The following SNED1 variants were observed in gnomAD, a reference collection of about 807,000 sequenced individuals.
SNED1 encodes the protein sushi, nidogen and EGF like domains 1, also known as sushi, nidogen and EGF-like domain-containing protein 1.
Under a neutral mutation model 166.7 loss-of-function variants are expected in SNED1, and 81 were observed. That is an observed-to-expected ratio of 0.49 (90% confidence interval 0.41 to 0.58). The LOEUF is 0.58. Among genes scored for constraint, SNED1 ranks in the 20% least tolerant of loss-of-function variants. The pLI is 0.00. For synonymous variants in SNED1, 762 were observed against 822.0 expected, an observed-to-expected ratio of 0.93 and a Z score of 1.25; for missense variants, 1,604 against 2,000.2, an observed-to-expected ratio of 0.80 and a Z score of 3.78.
intron 11 of SNED1, 62 bp downstream of exon 11, chr2:241,049,197 G>C: frequency 1.5e-6 from 2 of 1,308,254 alleles, no homozygotes; most frequent in Non-Finnish European, 2.2e-6. Flanking sequence ...GGGAGAAAGC[G>C]GTGGATGAGG....
chr2:241,035,315 G>A (rs2061313714), intron 4 of SNED1, among the ~76,000 whole-genome samples: 1 of 152,162 alleles, frequency 6.6e-6, no homozygotes, highest in Non-Finnish European at 1.5e-5. Context: ...AGTTCCAGGG[G>A]TCCTTCCAGC....
At chr2:240,998,586 G>A (rs921196622), upstream of SNED1, among the ~76,000 whole-genome samples, 3 of 152,124 alleles carry the variant, frequency 2.0e-5, no homozygotes, top group Non-Finnish European at 2.9e-5. Flanking sequence ...CGCCGGGCTG[G>A]ATATTTAAAT....
In SNED1 at chr2:241,073,102, G is replaced by A. The variant is rs1039573891; in HGVS notation, c.3818-164G>A. 8 of 594,462 alleles carry A rather than the reference G, an allele frequency of 1.3e-5. No individual in the cohort carries two copies. The highest frequency in any genetic ancestry group is 1.1e-4 in the East Asian group (4 of 35,836). 36.8% of individuals were successfully genotyped at this position (594,462 alleles called of 1,614,324 possible). On this transcript the variant is annotated intron_variant, in intron 26 of 31. Coordinates refer to ENST00000310397, the MANE Select transcript of SNED1 (RefSeq NM_001080437.3). This position sits in a 1 kb window ranked among gnomAD's most constrained non-coding sequence, Gnocchi z 6.6. The stretch of plus-strand genomic sequence containing the variant: ...GGAGGGTGAGGCCAGCCCTTCAGGG[G>A]AGGCAGCTCTGGGGCCGACAGGTGC...
chr2:241,000,418 A>G (rs565316485), intron 1 of SNED1, among the ~76,000 whole-genome samples: 1 of 152,320 alleles, frequency 6.6e-6, no homozygotes, highest in African/African-American at 2.4e-5. Flanking sequence ...ACTTGGACAG[A>G]GGAACGGGAC....
rs2064206927 is a variant in SNED1 at position 241,093,827 on chromosome 2, A to C, written c.*2191A>C. Reference sequence around the variant, plus strand: ...TTTAAAAACTCAAATGGCTTCCTTGAAAATACTCAAAGTCCACCCAAGGAA... The same window carrying C: ...TTTAAAAACTCAAATGGCTTCCTTGCAAATACTCAAAGTCCACCCAAGGAA... On this transcript the variant is annotated 3_prime_UTR_variant, in exon 32 of 32. Coordinates refer to ENST00000310397, the MANE Select transcript of SNED1 (RefSeq NM_001080437.3). 1 of 152,436 alleles carries C rather than the reference A, an allele frequency of 6.6e-6. No individual in the cohort carries two copies. Among genetic ancestry groups the C allele is most frequent in the Admixed American group, 6.5e-5 (1 of 15,316 alleles). 9.4% of individuals were successfully genotyped at this position (152,436 alleles called of 1,614,324 possible).
intron 27 of SNED1, among the ~76,000 whole-genome samples, chr2:241,078,400 A>G (rs2063150617): frequency 6.8e-6 from 1 of 146,600 alleles, no homozygotes; most frequent in Non-Finnish European, 1.5e-5. Flanking sequence ...AAAAAAAAAG[A>G]AAGAAAGAAA....
At chr2:241,008,870 G>A (rs1166217019) in intron 1 of SNED1, among the ~76,000 whole-genome samples, 1 of 152,256 alleles carries the variant, frequency 6.6e-6, no homozygotes, top group Non-Finnish European at 1.5e-5. Context: ...GGCAGCCCAG[G>A]ATCACACTGT....
intron 21 of SNED1, among the ~76,000 whole-genome samples, chr2:241,066,033 C>T (rs570259884): frequency 2.6e-5 from 4 of 152,184 alleles, no homozygotes; most frequent in Admixed American, 6.5e-5. Context: ...GATATGTAGG[C>T]GCTGAGGTGT....
chr2:241,037,933 A>G (rs1474083102), intron 6 of SNED1, among the ~76,000 whole-genome samples: 2 of 152,108 alleles, frequency 1.3e-5, no homozygotes, highest in African/African-American at 2.4e-5. Context: ...ACCAAACCTC[A>G]GCTTGCCCTC....
chr2:241,065,516 C>T lies in SNED1; in HGVS notation c.2931C>T (p.Asn977=). The change falls in exon 21 of 32, where the codon AAC becomes AAT. Residue 977 remains asparagine, a synonymous_variant. Transcript: ENST00000310397. ...CCCTGGCGGCCGGCAGGGCCTACAA[C>T]ATCTCCGTCTTCTCAGTGAAGCGAA... ...LQALAAGRAY[N]ISVFSVKRNS... 1 of 1,612,986 alleles carries T rather than the reference C, an allele frequency of 6.2e-7. No homozygotes were observed. The highest frequency in any genetic ancestry group is 8.5e-7 in the Non-Finnish European group (1 of 1,179,854).
intron 1 of SNED1, among the ~76,000 whole-genome samples, chr2:241,023,480 G>A (rs2060827862): frequency 8.3e-6 from 1 of 120,804 alleles, no homozygotes. Flanking sequence ...GGCCCAATAT[G>A]TGGTAAAAAA....
At chr2:241,039,621 A>G (rs1325355932) in intron 6 of SNED1, among the ~76,000 whole-genome samples, 1 of 152,026 alleles carries the variant, frequency 6.6e-6, no homozygotes, top group Non-Finnish European at 1.5e-5. Context: ...GTTCCTGCAC[A>G]GGCCACTGCC....
Position 241,052,475 on chromosome 2 carries a change from G to T in SNED1, c.2083+7G>T, listed in dbSNP as rs541002271. ...GGACGCCGGTGCCAGGCAGGTGAGAGGGTCAGGGGGATCAAGCAGGGTACA... is the reference window on the plus strand; with the variant it reads ...GGACGCCGGTGCCAGGCAGGTGAGATGGTCAGGGGGATCAAGCAGGGTACA... On this transcript the variant is annotated splice_region_variant and intron_variant, in intron 15 of 31. Coordinates refer to ENST00000310397, the MANE Select transcript of SNED1 (RefSeq NM_001080437.3). The T allele has an allele frequency of 1.1e-5, 17 of 1,590,716 alleles. No homozygotes were observed. The East Asian group carries it at 3.2e-4, about 30-fold the overall frequency.
intron 1 of SNED1, among the ~76,000 whole-genome samples, chr2:241,019,409 CG>C (rs1055932530): frequency 3.9e-4 from 59 of 152,176 alleles, no homozygotes; most frequent in African/African-American, 1.3e-3. Flanking sequence ...AAGCGCTCAG[CG>C]GTATAGCCAG....
rs1201505836 is a variant in SNED1 at position 241,075,152 on chromosome 2, C to G, written c.3916+1788C>G. 1.3e-5 allele frequency: 2 copies of G among 152,214 alleles called. No individual in the cohort carries two copies. Among genetic ancestry groups the G allele is most frequent in the East Asian group, 3.8e-4 (2 of 5,198 alleles). 9.4% of individuals were successfully genotyped at this position (152,214 alleles called of 1,614,324 possible). A position where few individuals can be genotyped will look rare whatever the true frequency, so the allele number is the denominator to read the frequency against. ...GTGAACTGACCGGCTCTTCTCCCCT[C>G]TCTGTGCAGAGAACATGTAGGTTGT... On this transcript the variant is annotated intron_variant, in intron 27 of 31. Coordinates refer to ENST00000310397, the MANE Select transcript of SNED1 (RefSeq NM_001080437.3). The surrounding 1 kb of genome is among the most constrained non-coding windows in gnomAD (Gnocchi z 4.8).
intron 10 of SNED1, 97 bp downstream of exon 10, chr2:241,048,863 T>C (rs1574982751): frequency 2.4e-6 from 3 of 1,231,308 alleles, no homozygotes; most frequent in East Asian, 5.1e-5. Context: ...GTCCAGACTG[T>C]CGACCATTGG....
chr2:241,043,991 T>A (rs1043476908), intron 8 of SNED1, among the ~76,000 whole-genome samples: 1 of 152,244 alleles, frequency 6.6e-6, no homozygotes, highest in Non-Finnish European at 1.5e-5. Flanking sequence ...TGGTATATAC[T>A]GTTTGAAGGT....
rs531380051 is a variant in SNED1 at position 241,064,558 on chromosome 2, A to G, written c.2600-286A>G. Among the ~76,000 whole-genome samples, 1 of 152,186 alleles carries G rather than the reference A, an allele frequency of 6.6e-6. No individual in the cohort carries two copies. The highest frequency in any genetic ancestry group is 2.1e-4 in the South Asian group (1 of 4,816). ...CCTGACCACTGACCTCCCCTCCTCAAGCAGGACTGTCACTGGGGTGGTGGC... is the reference window on the plus strand; with the variant it reads ...CCTGACCACTGACCTCCCCTCCTCAGGCAGGACTGTCACTGGGGTGGTGGC... On this transcript the variant is annotated intron_variant, in intron 19 of 31. Coordinates refer to ENST00000310397, the MANE Select transcript of SNED1 (RefSeq NM_001080437.3). This position sits in a 1 kb window ranked among gnomAD's most constrained non-coding sequence, Gnocchi z 7.0.
intron 1 of SNED1, among the ~76,000 whole-genome samples, chr2:241,025,818 A>G (rs775283722): frequency 6.6e-6 from 1 of 151,984 alleles, no homozygotes; most frequent in African/African-American, 2.4e-5. Context: ...TCATTGTTGT[A>G]TATGAGAAGT....
Sources: allele counts gnomAD v4.1 joint callset (sites outside exome capture counted in the v4.1 genomes callset), GRCh38; gene constraint gnomAD v4.1.1; non-coding constraint Gnocchi (gnomAD v3.1); transcripts MANE v1.5; gene names NCBI Gene and HGNC (gene_info 2026-07-23, HGNC 2026-07-21).